LINGO2: variants seen among roughly 807,000 people sequenced by gnomAD.
LINGO2 encodes leucine-rich repeat and immunoglobulin-like domain-containing nogo receptor-interacting protein 2.
In LINGO2, 14 loss-of-function variants were observed where a neutral mutation model predicts 30.6. The observed-to-expected ratio is 0.46, with a 90% CI of 0.30 to 0.72. LINGO2 has a LOEUF of 0.72. LINGO2 is among the 30% of genes least tolerant of loss of function. LINGO2 has a pLI of 0.07. For synonymous variants in LINGO2, 317 were observed against 288.5 expected, an observed-to-expected ratio of 1.10 and a Z score of -1.00; for missense variants, 729 against 751.7, an observed-to-expected ratio of 0.97 and a Z score of 0.35.
chr9:28,335,026 G>A (rs959527911), intron 3 of LINGO2, among the ~76,000 whole-genome samples: 7 of 152,194 alleles, frequency 4.6e-5, no homozygotes, highest in African/African-American at 1.7e-4. Context: ...GAAATGTGAT[G>A]TTTCTTGCCT....
chr9:28,969,183 T>TA, the LINGO2 span, among the ~76,000 whole-genome samples: 6,260 of 152,048 alleles, frequency 0.041, 196 homozygotes, highest in Admixed American at 0.083. Context: ...AGCACTGTGT[T>TA]AAAAAAATAA....
chr9:29,196,506 T>C, the LINGO2 span, among the ~76,000 whole-genome samples: 2 of 152,026 alleles, frequency 1.3e-5, no homozygotes, highest in Non-Finnish European at 2.9e-5. Flanking sequence ...ATGGTTTGCT[T>C]TTCTCACCTT....
At chr9:29,142,408 A>G in the LINGO2 span, among the ~76,000 whole-genome samples, 1 of 151,900 alleles carries the variant, frequency 6.6e-6, no homozygotes, top group Admixed American at 6.6e-5. Flanking sequence ...GAACTAAGAA[A>G]GAAGTTTATA....
the LINGO2 span, among the ~76,000 whole-genome samples, chr9:28,769,512 ATATATATTTTTTTTTTTTTTTTTTT>A: frequency 1.3e-3 from 3 of 2,250 alleles, no homozygotes; most frequent in South Asian, 0.019. Context: ...ATATATATAT[ATATATATTTTTTTTTTTTTTTTTTT>A]TTTTTTTTAC....
In LINGO2 at chr9:27,960,614, CTTT is replaced by C. The variant is rs540319420; in HGVS notation, c.-35-9911_-35-9909del. 4.4e-3 allele frequency among the ~76,000 whole-genome samples: 537 copies of C among 122,278 alleles called. 1 individual carries two copies. Among genetic ancestry groups the C allele is most frequent in the Non-Finnish European group, 6.7e-3 (371 of 55,138 alleles). 80.2% of individuals were successfully genotyped at this position (122,278 alleles called of 152,430 possible). A position where few individuals can be genotyped will look rare whatever the true frequency, so the allele number is the denominator to read the frequency against. On this transcript the variant is annotated intron_variant, in intron 5 of 5. Transcript: ENST00000379992. ...CTTTCTTAAAGTTTTTGTGGTATAT[CTTT>C]TTTTTTTTTTTTTTTTTACTTGTAC...
At chr9:28,302,090 A>C (rs973797992) in intron 3 of LINGO2, among the ~76,000 whole-genome samples, 5 of 152,230 alleles carry the variant, frequency 3.3e-5, no homozygotes, top group African/African-American at 1.2e-4. Context: ...CTAAATGTAG[A>C]AAGGAAAGAC....
At chr9:28,436,674 G>A (rs1028448434) in intron 2 of LINGO2, among the ~76,000 whole-genome samples, 4 of 152,042 alleles carry the variant, frequency 2.6e-5, no homozygotes, top group East Asian at 1.9e-4. Flanking sequence ...AGCCAGGATG[G>A]TCTCGATCTC....
the LINGO2 span, among the ~76,000 whole-genome samples, chr9:28,902,869 G>GA: frequency 1.3e-5 from 2 of 151,202 alleles, no homozygotes; most frequent in East Asian, 1.9e-4. Flanking sequence ...ATAGAGTTCA[G>GA]AAAAAACAGT....
chr9:28,006,345 T>G (rs1054268493), intron 5 of LINGO2, among the ~76,000 whole-genome samples: 3 of 148,042 alleles, frequency 2.0e-5, no homozygotes, highest in Admixed American at 1.3e-4. Flanking sequence ...AAAAAATCCT[T>G]ACCAGAGATC....
chr9:28,551,844 T>G (rs1469652642), intron 1 of LINGO2, among the ~76,000 whole-genome samples: 2 of 152,064 alleles, frequency 1.3e-5, no homozygotes, highest in Admixed American at 1.3e-4. Flanking sequence ...GTCCTCAGCC[T>G]CTCATCATTA....
chr9:28,274,796 G>A (rs1201345644), intron 4 of LINGO2, among the ~76,000 whole-genome samples: 6 of 152,182 alleles, frequency 3.9e-5, no homozygotes, highest in Admixed American at 3.9e-4. Context: ...TCAGGAACAA[G>A]ATATCCCAGT....
chr9:28,121,295 A>G (rs1827090583), intron 4 of LINGO2, among the ~76,000 whole-genome samples: 2 of 152,160 alleles, frequency 1.3e-5, no homozygotes, highest in South Asian at 2.1e-4. Flanking sequence ...TAACTAAACT[A>G]AAAATCATTT....
intron 4 of LINGO2, among the ~76,000 whole-genome samples, chr9:28,024,950 C>A (rs1276235775): frequency 2.0e-5 from 3 of 152,172 alleles, no homozygotes; most frequent in Non-Finnish European, 4.4e-5. Flanking sequence ...GCACCAGTAG[C>A]AGGCAGCCCT....
intron 3 of LINGO2, among the ~76,000 whole-genome samples, chr9:28,348,253 G>C (rs113639332): frequency 0.032 from 4,805 of 152,256 alleles, 108 homozygotes; most frequent in Non-Finnish European, 0.049. Context: ...CATCTCACTA[G>C]GGAGTGCCAG....
chr9:28,075,057 T>G (rs560574369), intron 4 of LINGO2, among the ~76,000 whole-genome samples: 14 of 151,966 alleles, frequency 9.2e-5, no homozygotes, highest in African/African-American at 3.1e-4. Context: ...CACTGAAGTT[T>G]CTCATGAGGC....
chr9:28,448,587 A>G (rs7853160), intron 2 of LINGO2, among the ~76,000 whole-genome samples: 113,169 of 151,978 alleles, frequency 0.74, 42,319 homozygotes, highest in East Asian at 0.83. Context: ...TTTCAAAAAG[A>G]AGATGATCCA....
chr9:28,101,197 C>T (rs1324785384), intron 4 of LINGO2, among the ~76,000 whole-genome samples: 1 of 152,000 alleles, frequency 6.6e-6, no homozygotes, highest in Admixed American at 6.6e-5. Flanking sequence ...CATATGGTCT[C>T]CCTCTCCACT....
the LINGO2 span, among the ~76,000 whole-genome samples, chr9:28,887,348 C>T: frequency 2.0e-5 from 3 of 151,858 alleles, no homozygotes; most frequent in South Asian, 2.1e-4. Context: ...TTCTAACTTG[C>T]CCCTGGTCTT....
the LINGO2 span, among the ~76,000 whole-genome samples, chr9:28,799,741 G>A: frequency 2.6e-5 from 4 of 152,142 alleles, no homozygotes; most frequent in Admixed American, 2.6e-4. Context: ...TATAAGTGAG[G>A]CAGATAAAAA....
Sources: allele counts gnomAD v4.1 joint callset (sites outside exome capture counted in the v4.1 genomes callset), GRCh38; gene constraint gnomAD v4.1.1; transcripts MANE v1.5; gene names NCBI Gene and HGNC (gene_info 2026-07-23, HGNC 2026-07-21).